The following PIGN variants were observed in gnomAD, a reference collection of about 807,000 sequenced individuals.
PIGN encodes GPI ethanolamine phosphate transferase 1.
PIGN carries 117 observed loss-of-function variants against 125.4 expected under a neutral mutation model. That is an observed-to-expected ratio of 0.93 (90% CI 0.80 to 1.09). PIGN has a LOEUF of 1.09. PIGN is among the 50% of genes least tolerant of loss of function. PIGN has a pLI of 0.00. For synonymous variants in PIGN, 392 were observed against 377.8 expected (o/e 1.04, Z -0.44); for missense variants, 1,075 against 1,094.9 (o/e 0.98, Z 0.26).
At chr18:62,038,692 G>C (rs190983360), downstream of PIGN, among the ~76,000 whole-genome samples, 180 of 152,150 alleles carry the variant, frequency 1.2e-3, 6 homozygotes, top group East Asian at 0.032. Context: ...CAATACTTTG[G>C]GAGACCAAGG....
At chr18:62,026,873 A>G (rs899342557) in intron 23 of PIGN, among the ~76,000 whole-genome samples, 1 of 152,178 alleles carries the variant, frequency 6.6e-6, no homozygotes, top group African/African-American at 2.4e-5. Context: ...GTGGCCTGAG[A>G]AGGATGTTTC....
chr18:62,159,737 G>A (rs921633054), intron 4 of PIGN, among the ~76,000 whole-genome samples: 7 of 152,130 alleles, frequency 4.6e-5, no homozygotes, highest in Non-Finnish European at 7.3e-5. Context: ...TTTGTTAATT[G>A]CCCATTATGT....
chr18:62,145,503 G>T (rs62094047), intron 10 of PIGN, among the ~76,000 whole-genome samples: 33,825 of 151,852 alleles, frequency 0.22, 4,046 homozygotes, highest in Middle Eastern at 0.29. Context: ...TTGTAGGTAG[G>T]GTGATTTTAT....
chr18:62,069,138 T>C (rs1010300502), intron 30 of PIGN, among the ~76,000 whole-genome samples: 2 of 152,256 alleles, frequency 1.3e-5, no homozygotes, highest in African/African-American at 2.4e-5. Context: ...GAAAAAGTGC[T>C]TTATGTTTTA....
At position 62,157,201 on chromosome 18, in the gene PIGN, C is replaced by G; in HGVS notation, c.370G>C (p.Asp124His). ...TATTTACTTTCATTAAAAAGAGAAT[C>G]AAACTCTACAGGATTTTCCTTCCAT... ...KGWKENPVEF[D>H]SLFNESKYTW... The change falls in exon 6 of 31, where the codon GAT becomes CAT. Residue 124 changes from aspartate to histidine, a missense_variant. Coordinates refer to ENST00000640252, the MANE Select transcript of PIGN (RefSeq NM_176787.5). The G allele has an allele frequency of 6.2e-7, 1 of 1,606,224 alleles. No homozygotes were observed. Among genetic ancestry groups the G allele is most frequent in the Non-Finnish European group, 8.5e-7 (1 of 1,174,820 alleles).
intron 7 of PIGN, among the ~76,000 whole-genome samples, chr18:62,151,641 G>A (rs1158976484): frequency 6.6e-6 from 1 of 152,192 alleles, no homozygotes; most frequent in South Asian, 2.1e-4. Flanking sequence ...ACTTGACCTC[G>A]CTGCTCACTT....
chr18:62,047,993 C>G (rs1056581767), intron 30 of PIGN, among the ~76,000 whole-genome samples: 1 of 151,974 alleles, frequency 6.6e-6, no homozygotes, highest in Admixed American at 6.6e-5. Context: ...AATAGGAATT[C>G]TCAGCAAAGA....
At chr18:62,124,599 T>C (rs1485982711) in intron 14 of PIGN, among the ~76,000 whole-genome samples, 2 of 152,164 alleles carry the variant, frequency 1.3e-5, no homozygotes, top group Admixed American at 6.6e-5. Context: ...AATCCACTAC[T>C]TTGAGGACAA....
intron 24 of PIGN, among the ~76,000 whole-genome samples, chr18:62,089,160 C>T (rs1285991687): frequency 6.6e-6 from 1 of 152,094 alleles, no homozygotes; most frequent in Non-Finnish European, 1.5e-5. Context: ...TATAATTCTT[C>T]CCTCTTCAAA....
chr18:62,138,184 T>C lies in PIGN; in HGVS notation c.1172+59A>G, dbSNP rs141568226. The C allele has an allele frequency of 9.8e-4, 1,500 of 1,535,112 alleles. 4 individuals carry two copies. The highest frequency in any genetic ancestry group is 1.1e-3 in the Non-Finnish European group (1,307 of 1,141,242). On this transcript the variant is annotated intron_variant, in intron 14 of 30. Coordinates refer to ENST00000640252, the MANE Select transcript of PIGN (RefSeq NM_176787.5). ...ACTAATCCTATCACTCAGTGAAAAA[T>C]TGCAAACTCAGTGGAAAATTCTTTC...
rs570958783 is a variant in PIGN, at chr18:62,044,535, T to C, written c.*1321A>G. ...TTATACTACAGTTCTTTCACTGGTA[T>C]ACCATAAAGTAGTATTACAAATAAA... On this transcript the variant is annotated 3_prime_UTR_variant, in exon 31 of 31. Transcript: ENST00000640252. 1 of 152,348 alleles carries C rather than the reference T, an allele frequency of 6.6e-6. No individual in the cohort carries two copies. Among genetic ancestry groups the C allele is most frequent in the East Asian group, 1.9e-4 (1 of 5,192 alleles). 9.4% of individuals were successfully genotyped at this position (152,348 alleles called of 1,614,324 possible).
intron 7 of PIGN, among the ~76,000 whole-genome samples, chr18:62,151,903 A>T (rs548196655): frequency 1.3e-5 from 2 of 152,112 alleles, no homozygotes; most frequent in Admixed American, 1.3e-4. Context: ...GAAGAGTCAC[A>T]CTCTATAAAA....
At chr18:62,048,826 A>G (rs1173845037) in intron 30 of PIGN, among the ~76,000 whole-genome samples, 4 of 150,268 alleles carry the variant, frequency 2.7e-5, no homozygotes, top group East Asian at 3.9e-4. Context: ...AGCATTAGGC[A>G]TATCTCCTAA....
At chr18:62,130,294 C>T (rs916544923) in intron 14 of PIGN, among the ~76,000 whole-genome samples, 2 of 152,182 alleles carry the variant, frequency 1.3e-5, no homozygotes, top group East Asian at 3.8e-4. Context: ...TTCCTATCAA[C>T]TGCCCAAATT....
chr18:62,121,016 T>C (rs2035283363), intron 14 of PIGN, among the ~76,000 whole-genome samples: 1 of 152,058 alleles, frequency 6.6e-6, no homozygotes, highest in Non-Finnish European at 1.5e-5. Flanking sequence ...AGAAAAGACA[T>C]AACACACAAA....
At chr18:62,084,177 G>A (rs998873120) in intron 27 of PIGN, among the ~76,000 whole-genome samples, 1 of 152,176 alleles carries the variant, frequency 6.6e-6, no homozygotes, top group Non-Finnish European at 1.5e-5. Flanking sequence ...CATGGCTTAT[G>A]AGAAAAGATT....
chr18:62,161,383 C>T lies in PIGN; in HGVS notation c.-30G>A, dbSNP rs376523500. On this transcript the variant is annotated splice_region_variant and 5_prime_UTR_variant, in exon 4 of 31. Coordinates refer to ENST00000640252, the MANE Select transcript of PIGN (RefSeq NM_176787.5). ...AGTGTAACTAATTAGTCTTCAAGAA[C>T]AGCTGAAAGAGAGAACAAAATTAAA... 25 of 1,478,806 alleles carry T rather than the reference C, an allele frequency of 1.7e-5. No individual in the cohort carries two copies. The highest frequency in any genetic ancestry group is 2.8e-6 in the Non-Finnish European group (3 of 1,066,066). 91.6% of individuals were successfully genotyped at this position (1,478,806 alleles called of 1,614,324 possible).
chr18:62,028,297 C>T (rs1446185513), intron 23 of PIGN, among the ~76,000 whole-genome samples: 2 of 152,232 alleles, frequency 1.3e-5, no homozygotes. Flanking sequence ...ATTCAGCTGA[C>T]TTTATTCTCC....
At chr18:62,116,748 T>C (rs1415280529) in intron 14 of PIGN, among the ~76,000 whole-genome samples, 2 of 152,082 alleles carry the variant, frequency 1.3e-5, no homozygotes, top group Non-Finnish European at 2.9e-5. Context: ...AATGAATCAA[T>C]AAATTTTGAA....
Sources: allele counts gnomAD v4.1 joint callset (sites outside exome capture counted in the v4.1 genomes callset), GRCh38; gene constraint gnomAD v4.1.1; transcripts MANE v1.5; gene names NCBI Gene and HGNC (gene_info 2026-07-23, HGNC 2026-07-21).